The following DLG2 variants were observed in gnomAD, a reference collection of about 807,000 sequenced individuals.
DLG2 encodes disks large homolog 2.
In DLG2, 45 loss-of-function variants were observed where a neutral mutation model predicts 132.5. The observed-to-expected ratio is 0.34, with a 90% CI of 0.27 to 0.44. DLG2 has a LOEUF of 0.44. Among genes scored for constraint, DLG2 ranks in the 20% least tolerant of loss-of-function variants. The pLI, the probability that DLG2 is intolerant of heterozygous loss-of-function variation, is 1.00. For missense variants in DLG2, 1,045 were observed against 1,196.9 expected (o/e 0.87, Z 1.87); for synonymous variants, 424 against 419.6 (o/e 1.01, Z -0.13).
At chr11:84,022,752 G>C (rs983558593) in intron 11 of DLG2, among the ~76,000 whole-genome samples, 1 of 152,216 alleles carries the variant, frequency 6.6e-6, no homozygotes, top group Non-Finnish European at 1.5e-5. Context: ...GGGGAGTAGG[G>C]TGGTGGGAAG....
chr11:85,521,850 A>C (rs138260110), intron 3 of DLG2, among the ~76,000 whole-genome samples: 1 of 152,140 alleles, frequency 6.6e-6, no homozygotes, highest in African/African-American at 2.4e-5. Context: ...ATAATTTAGG[A>C]TATCTGGCAG....
At chr11:85,459,836 C>G (rs1464704494) in intron 3 of DLG2, among the ~76,000 whole-genome samples, 3 of 152,172 alleles carry the variant, frequency 2.0e-5, no homozygotes, top group East Asian at 1.9e-4. Flanking sequence ...GTTAGCTGTG[C>G]TGGAATTCCA....
chr11:85,539,392 CCTTT>C (rs1348402268), intron 3 of DLG2, among the ~76,000 whole-genome samples: 1 of 152,168 alleles, frequency 6.6e-6, no homozygotes, highest in Non-Finnish European at 1.5e-5. Context: ...CATTAATCTT[CCTTT>C]GTCTGTTTTA....
At chr11:84,417,680 T>G (rs1024833498) in intron 7 of DLG2, among the ~76,000 whole-genome samples, 2 of 152,184 alleles carry the variant, frequency 1.3e-5, no homozygotes, top group South Asian at 2.1e-4. Flanking sequence ...AGATGTCATC[T>G]CACAGCCTAT....
At chr11:84,024,813 TC>T (rs1443574076) in intron 11 of DLG2, among the ~76,000 whole-genome samples, 3 of 151,080 alleles carry the variant, frequency 2.0e-5, no homozygotes, top group African/African-American at 7.3e-5. Flanking sequence ...ATATATTTTT[TC>T]TTTTTTTTTT....
At chr11:84,357,296 T>C (rs766371694) in intron 7 of DLG2, among the ~76,000 whole-genome samples, 1 of 152,002 alleles carries the variant, frequency 6.6e-6, no homozygotes, top group African/African-American at 2.4e-5. Context: ...GTTCCTATTT[T>C]ACAGAAAACA....
chr11:84,217,633 G>T (rs1391452060), intron 8 of DLG2, among the ~76,000 whole-genome samples: 2 of 152,210 alleles, frequency 1.3e-5, no homozygotes, highest in Admixed American at 1.3e-4. Flanking sequence ...AAATGGGGGA[G>T]AAGGGATTAT....
At chr11:83,721,568 G>T (rs2088568190) in intron 18 of DLG2, among the ~76,000 whole-genome samples, 1 of 152,176 alleles carries the variant, frequency 6.6e-6, no homozygotes, top group African/African-American at 2.4e-5. Flanking sequence ...TACTTGTTTT[G>T]CCTCCTTGTC....
At chr11:84,535,489 A>T (rs2099353197) in intron 6 of DLG2, among the ~76,000 whole-genome samples, 2 of 152,214 alleles carry the variant, frequency 1.3e-5, no homozygotes, top group African/African-American at 4.8e-5. Flanking sequence ...CATCTTGCTT[A>T]CACATGACTG....
intron 2 of DLG2, among the ~76,000 whole-genome samples, chr11:85,601,309 A>G (rs1330159856): frequency 2.0e-5 from 3 of 151,806 alleles, no homozygotes; most frequent in African/African-American, 2.4e-5. Flanking sequence ...TGCCTGGTCC[A>G]TAGTTTATGC....
chr11:84,624,047 A>G (rs1284414655), intron 6 of DLG2, among the ~76,000 whole-genome samples: 3 of 152,232 alleles, frequency 2.0e-5, no homozygotes, highest in Non-Finnish European at 2.9e-5. Flanking sequence ...ATAATGAACC[A>G]TAACAGAAAA....
chr11:85,514,974 G>C (rs2094144397), intron 3 of DLG2, among the ~76,000 whole-genome samples: 2 of 151,866 alleles, frequency 1.3e-5, no homozygotes, highest in Non-Finnish European at 2.9e-5. Flanking sequence ...GGATTTCTGG[G>C]AGCTAAGGTA....
Position 83,528,787 on chromosome 11 carries a change from C to T in DLG2, c.2193+3921G>A, listed in dbSNP as rs141146339. ...GTTCATTCCCTAAATTGATGGAAAA[C>T]ATTAGTGATGCTGTATTATCATTGT... is the stretch of plus-strand genomic sequence containing the variant. On this transcript the variant is annotated intron_variant, in intron 21 of 27. Transcript: ENST00000376104. Among the ~76,000 whole-genome samples, 416 of 152,226 alleles carry T rather than the reference C, an allele frequency of 2.7e-3. 3 individuals are homozygous for T. Among genetic ancestry groups the T allele is most frequent in the African/African-American group, 9.4e-3 (390 of 41,546 alleles).
At chr11:83,981,431 A>C (rs2092768149) in intron 11 of DLG2, among the ~76,000 whole-genome samples, 1 of 151,752 alleles carries the variant, frequency 6.6e-6, no homozygotes, top group South Asian at 2.1e-4. Context: ...ATGTTAAAAA[A>C]TTAATTAATT....
At chr11:85,161,216 G>A (rs1051195625) in intron 4 of DLG2, among the ~76,000 whole-genome samples, 1 of 152,242 alleles carries the variant, frequency 6.6e-6, no homozygotes, top group Non-Finnish European at 1.5e-5. Flanking sequence ...AGGATGACCT[G>A]TTCTGTGGAC....
At chr11:84,101,227 G>A (rs2092492740) in intron 9 of DLG2, among the ~76,000 whole-genome samples, 1 of 152,052 alleles carries the variant, frequency 6.6e-6, no homozygotes, top group Non-Finnish European at 1.5e-5. Context: ...ACATAGAGAA[G>A]AACATTTTGA....
At chr11:84,698,792 G>GT (rs56721488) in intron 6 of DLG2, among the ~76,000 whole-genome samples, 4,612 of 151,140 alleles carry the variant, frequency 0.031, 174 homozygotes, top group African/African-American at 0.089. Flanking sequence ...ATACTGTTGC[G>GT]TTTTTTTTGT....
intron 21 of DLG2, among the ~76,000 whole-genome samples, chr11:83,495,674 C>G (rs2094114032): frequency 6.6e-6 from 1 of 152,124 alleles, no homozygotes; most frequent in Admixed American, 6.6e-5. Flanking sequence ...ACAATATTTT[C>G]AGCTTAGGCT....
chr11:84,580,682 C>G (rs1477175296), intron 6 of DLG2, among the ~76,000 whole-genome samples: 1 of 152,182 alleles, frequency 6.6e-6, no homozygotes, highest in East Asian at 1.9e-4. Context: ...AACACTAAAA[C>G]GTGGAAAGGA....
Sources: allele counts gnomAD v4.1 joint callset (sites outside exome capture counted in the v4.1 genomes callset), GRCh38; gene constraint gnomAD v4.1.1; transcripts MANE v1.5; gene names NCBI Gene and HGNC (gene_info 2026-07-23, HGNC 2026-07-21).